ASB4: variants seen among roughly 807,000 people sequenced by gnomAD.
The protein encoded by ASB4 is ankyrin repeat and SOCS box protein 4.
A neutral mutation model predicts 38.6 loss-of-function variants in ASB4; 35 were observed. That is an observed-to-expected ratio of 0.91 (90% confidence interval 0.69 to 1.20). ASB4 has a LOEUF of 1.20. ASB4 is among the 50% of genes most tolerant of loss of function. ASB4 has a pLI of 0.00. For missense variants in ASB4, 557 were observed against 527.2 expected (o/e 1.06, Z -0.55); for synonymous variants, 195 against 201.3 (o/e 0.97, Z 0.26).
chr7:95,523,601 A>T (rs927268348), intron 2 of ASB4, among the ~76,000 whole-genome samples: 4 of 152,206 alleles, frequency 2.6e-5, no homozygotes, highest in Non-Finnish European at 5.9e-5. Flanking sequence ...AGATAAAAAT[A>T]TAACTTTTGG....
intron 2 of ASB4, among the ~76,000 whole-genome samples, chr7:95,497,261 C>T (rs755367793): frequency 1.3e-5 from 2 of 152,042 alleles, no homozygotes; most frequent in Non-Finnish European, 2.9e-5. Flanking sequence ...AGCAGGGAGA[C>T]CAGTAGGGAA....
intron 2 of ASB4, among the ~76,000 whole-genome samples, chr7:95,524,943 T>G (rs536180651): frequency 2.0e-5 from 3 of 152,192 alleles, no homozygotes; most frequent in Non-Finnish European, 4.4e-5. Context: ...CAGGAACCCC[T>G]CTTACTTTGC....
chr7:95,529,145 A>G (rs1011807618), intron 3 of ASB4, among the ~76,000 whole-genome samples: 1 of 152,230 alleles, frequency 6.6e-6, no homozygotes, highest in Non-Finnish European at 1.5e-5. Context: ...GCTGTGGTAA[A>G]TGACAAGGTA....
chr7:95,485,677 G>T (rs1585792603), upstream of ASB4, among the ~76,000 whole-genome samples: 1 of 152,148 alleles, frequency 6.6e-6, no homozygotes, highest in African/African-American at 2.4e-5. Context: ...GATCATATAA[G>T]AAATAATTGT....
At chr7:95,533,563 T>A (rs759660622) in intron 3 of ASB4, among the ~76,000 whole-genome samples, 2 of 152,234 alleles carry the variant, frequency 1.3e-5, no homozygotes, top group Non-Finnish European at 2.9e-5. Flanking sequence ...TTGATCTTCA[T>A]GACCCCCTTG....
At chr7:95,489,662 A>C (rs1790142163) in intron 1 of ASB4, among the ~76,000 whole-genome samples, 1 of 152,222 alleles carries the variant, frequency 6.6e-6, no homozygotes, top group African/African-American at 2.4e-5. Flanking sequence ...AGTAAGCCAA[A>C]ATTGCGTTTA....
intron 2 of ASB4, among the ~76,000 whole-genome samples, chr7:95,511,305 C>A (rs1296206837): frequency 6.6e-6 from 1 of 152,008 alleles, no homozygotes; most frequent in African/African-American, 2.4e-5. Context: ...GTTAGGGAGT[C>A]CCCTGAAAGC....
intron 1 of ASB4, among the ~76,000 whole-genome samples, chr7:95,486,772 T>C (rs1790096846): frequency 1.3e-5 from 2 of 152,216 alleles, no homozygotes; most frequent in South Asian, 4.1e-4. Flanking sequence ...TTGTTCAAAA[T>C]TGTAGATGTG....
At chr7:95,477,334 C>T (rs1024014930), upstream of ASB4, among the ~76,000 whole-genome samples, 3 of 152,102 alleles carry the variant, frequency 2.0e-5, no homozygotes, top group African/African-American at 7.2e-5. Flanking sequence ...AAAATATTTG[C>T]CAAAGGGTCA....
intron 2 of ASB4, among the ~76,000 whole-genome samples, chr7:95,525,475 A>G (rs964814922): frequency 6.6e-6 from 1 of 152,168 alleles, no homozygotes; most frequent in African/African-American, 2.4e-5. Flanking sequence ...TACACTGGCG[A>G]CACAATTCAA....
the ASB4 span, among the ~76,000 whole-genome samples, chr7:95,549,159 G>C: frequency 6.6e-6 from 1 of 152,068 alleles, no homozygotes; most frequent in Non-Finnish European, 1.5e-5. Context: ...AGAGAGTTAC[G>C]GGAGGATGGG....
At chr7:95,512,142 T>C (rs1790491496) in intron 2 of ASB4, among the ~76,000 whole-genome samples, 1 of 152,082 alleles carries the variant, frequency 6.6e-6, no homozygotes, top group Non-Finnish European at 1.5e-5. Flanking sequence ...AGACCAGGGG[T>C]GGTGTTCAAC....
rs1283264578 is a variant in ASB4, at chr7:95,515,434, T to TTA, written c.488-12379_488-12378insTA. On this transcript the variant is annotated intron_variant, in intron 2 of 4. Coordinates refer to ENST00000325885, the MANE Select transcript of ASB4 (RefSeq NM_016116.3). ...TTCCTTTCTCTCTCTCTTTTTTTTT[T>TTA]AAGACAGAGTCTCATTCTGTCGCTA... Among the ~76,000 whole-genome samples, 4 of 150,106 alleles carry TTA rather than the reference T, an allele frequency of 2.7e-5. No individual in the cohort carries two copies. In the East Asian group the frequency reaches 7.8e-4, roughly 29 times the overall value.
chr7:95,510,477 A>G (rs1790464388), intron 2 of ASB4, among the ~76,000 whole-genome samples: 1 of 152,214 alleles, frequency 6.6e-6, no homozygotes, highest in African/African-American at 2.4e-5. Context: ...ACCTCCAACA[A>G]TGTAATATAG....
chr7:95,503,826 C>T (rs940741021), intron 2 of ASB4, among the ~76,000 whole-genome samples: 1 of 152,154 alleles, frequency 6.6e-6, no homozygotes, highest in Admixed American at 6.5e-5. Context: ...GAAAAGTGCT[C>T]TTTGTGGAAA....
Position 95,527,837 on chromosome 7 carries a change from A to T in ASB4, c.512A>T (p.Asn171Ile). 6.2e-7 allele frequency: 1 copy of T among 1,604,068 alleles called. No individual in the cohort carries two copies. Among genetic ancestry groups the T allele is most frequent in the Admixed American group, 1.7e-5 (1 of 59,860 alleles). Residue 171 changes from asparagine (N) to isoleucine (I), a missense_variant, in exon 3 of 5, where the codon AAC (asparagine) becomes ATC (isoleucine). Asn to Ile is a moderately radical substitution (Grantham distance 149, BLOSUM62 -3). Coordinates refer to ENST00000325885, the MANE Select transcript of ASB4 (RefSeq NM_016116.3). ...WRGANVNMKT[N>I]NQDEETPLHT... The stretch of plus-strand genomic sequence containing the variant: ...GGGGCGAATGTGAACATGAAGACCA[A>T]CAACCAAGATGAGGAGACGCCCTTG...
chr7:95,489,791 G>A (rs1489212731), intron 1 of ASB4, among the ~76,000 whole-genome samples: 3 of 152,276 alleles, frequency 2.0e-5, no homozygotes, highest in African/African-American at 4.8e-5. Flanking sequence ...CATTAATTAT[G>A]AGCCAACCAC....
chr7:95,523,188 A>C (rs1790686840), intron 2 of ASB4, among the ~76,000 whole-genome samples: 1 of 152,228 alleles, frequency 6.6e-6, no homozygotes, highest in Non-Finnish European at 1.5e-5. Context: ...ATTATAATTA[A>C]TCAAGATTGT....
At chr7:95,503,077 C>A (rs569719663) in intron 2 of ASB4, among the ~76,000 whole-genome samples, 1 of 152,234 alleles carries the variant, frequency 6.6e-6, no homozygotes, top group South Asian at 2.1e-4. Flanking sequence ...TGTGACTATG[C>A]ATATCAAAAT....
Sources: gnomAD v4.1 joint callset for allele counts (sites outside exome capture counted in the v4.1 genomes callset) on GRCh38, gnomAD v4.1.1 for gene constraint, MANE v1.5 for transcripts, NCBI Gene and HGNC (gene_info 2026-07-23, HGNC 2026-07-21) for gene names.